Variants in ZNRF3 observed in about 807,000 individuals in gnomAD.
ZNRF3 encodes zinc and ring finger 3, also known as E3 ubiquitin-protein ligase ZNRF3.
Under a neutral mutation model 72.5 loss-of-function variants are expected in ZNRF3, and 23 were observed. The observed-to-expected ratio is 0.32, with a 90% CI of 0.23 to 0.45. ZNRF3 has a LOEUF of 0.45. Ranked by LOEUF, ZNRF3 falls within the 20% of genes least tolerant of loss-of-function variation. ZNRF3 has a pLI of 1.00. For missense variants in ZNRF3, 1,169 were observed against 1,272.1 expected (o/e 0.92, Z 1.23); for synonymous variants, 610 against 545.3 (o/e 1.12, Z -1.65).
At chr22:29,046,933 A>G in intron 6 of ZNRF3, 50 bp downstream of exon 6, 1 of 1,446,380 alleles carries the variant, frequency 6.9e-7, no homozygotes, top group Non-Finnish European at 9.2e-7. Context: ...TAGGCAGGTC[A>G]GCAGAGGTGC....
Position 29,030,662 on chromosome 22 carries a change from G to A in ZNRF3, c.427-11833G>A, listed in dbSNP as rs374266627. ...GCACTTTCCCGGGTCGGAGAAGGCC[G>A]GATGGCAGCCCGCCCCGAAAGTCCC... is the stretch of plus-strand genomic sequence containing the variant. On this transcript the variant is annotated intron_variant, in intron 2 of 8. Transcript: ENST00000544604. The surrounding 1 kb of genome is among the most constrained non-coding windows in gnomAD (Gnocchi z 4.2). Among the ~76,000 whole-genome samples, 8 of 151,838 alleles carry A rather than the reference G, an allele frequency of 5.3e-5. No homozygotes were observed. The highest frequency in any genetic ancestry group is 4.2e-4 in the South Asian group (2 of 4,800).
At chr22:29,019,924 C>T (rs902340169) in intron 2 of ZNRF3, among the ~76,000 whole-genome samples, 18 of 152,054 alleles carry the variant, frequency 1.2e-4, no homozygotes, top group Admixed American at 7.9e-4. Flanking sequence ...AAGTATGCAC[C>T]CCACCCCACC....
At chr22:28,897,327 G>T (rs899835168) in intron 1 of ZNRF3, among the ~76,000 whole-genome samples, 9 of 152,042 alleles carry the variant, frequency 5.9e-5, no homozygotes, top group Non-Finnish European at 8.8e-5. Context: ...TTTTTTAGGG[G>T]GATCGGGGAG....
chr22:28,909,337 G>T (rs1220843196), intron 1 of ZNRF3, among the ~76,000 whole-genome samples: 2 of 152,084 alleles, frequency 1.3e-5, no homozygotes, highest in African/African-American at 4.8e-5. Flanking sequence ...GCAACTTGGG[G>T]CTAACAGCTT....
intron 2 of ZNRF3, among the ~76,000 whole-genome samples, chr22:29,021,957 C>A (rs916979166): frequency 3.4e-4 from 51 of 152,134 alleles, no homozygotes; most frequent in African/African-American, 1.2e-3. Flanking sequence ...ATATGTCACT[C>A]CCCCCACATT....
intron 1 of ZNRF3, among the ~76,000 whole-genome samples, chr22:28,984,735 G>A (rs975253290): frequency 6.6e-6 from 1 of 152,174 alleles, no homozygotes; most frequent in African/African-American, 2.4e-5. Flanking sequence ...CATCCCTCTT[G>A]CTCATCCTTT....
intron 2 of ZNRF3, among the ~76,000 whole-genome samples, chr22:28,999,694 C>T (rs1306624762): frequency 6.6e-6 from 1 of 152,214 alleles, no homozygotes; most frequent in Non-Finnish European, 1.5e-5. Flanking sequence ...GAGTGCGTTG[C>T]AGGTTGCTGG....
In ZNRF3 at chr22:28,931,469, A is replaced by C. The variant is rs998087291; in HGVS notation, c.300+47403A>C. On this transcript the variant is annotated intron_variant, in intron 1 of 8. Transcript: ENST00000544604. Reference sequence around the variant, plus strand: ...GGAGTACTTGTGTAACCTGAAGAAGACTGAAAGTATATAGCAGTTCTCATG... The same window carrying C: ...GGAGTACTTGTGTAACCTGAAGAAGCCTGAAAGTATATAGCAGTTCTCATG... Among the ~76,000 whole-genome samples the C allele has an allele frequency of 2.0e-5, 3 of 152,296 alleles. No individual in the cohort carries two copies. The South Asian group carries it at 6.2e-4, about 32-fold the overall frequency.
At chr22:28,951,991 G>A (rs966809017) in intron 1 of ZNRF3, among the ~76,000 whole-genome samples, 1 of 152,192 alleles carries the variant, frequency 6.6e-6, no homozygotes, top group Non-Finnish European at 1.5e-5. Context: ...CCTCTTCCCC[G>A]TGGAGCAAGG....
chr22:28,943,217 C>G (rs961847023), intron 1 of ZNRF3, among the ~76,000 whole-genome samples: 2 of 152,112 alleles, frequency 1.3e-5, no homozygotes, highest in Admixed American at 6.5e-5. Context: ...GGTCCTCCCC[C>G]AGTGCCTCCC....
chr22:28,900,336 G>A (rs577707056), intron 1 of ZNRF3, among the ~76,000 whole-genome samples: 1 of 152,292 alleles, frequency 6.6e-6, no homozygotes, highest in South Asian at 2.1e-4. Flanking sequence ...CACGAGCTTC[G>A]GCAGACAGAA....
At chr22:28,904,206 C>G (rs981657524) in intron 1 of ZNRF3, among the ~76,000 whole-genome samples, 1 of 152,170 alleles carries the variant, frequency 6.6e-6, no homozygotes, top group East Asian at 1.9e-4. Flanking sequence ...TGGGATTGAT[C>G]AGCTTTGAAG....
chr22:28,896,379 C>T (rs76966305), intron 1 of ZNRF3, among the ~76,000 whole-genome samples: 3 of 151,996 alleles, frequency 2.0e-5, no homozygotes, highest in South Asian at 2.1e-4. Flanking sequence ...GTGATCCGCC[C>T]GCCTCGGCCT....
At chr22:28,983,927 A>G (rs760775041) in intron 1 of ZNRF3, among the ~76,000 whole-genome samples, 11 of 151,876 alleles carry the variant, frequency 7.2e-5, no homozygotes, top group Non-Finnish European at 1.5e-4. Context: ...TTACTTGTGC[A>G]AGAACCTGTT....
intron 2 of ZNRF3, among the ~76,000 whole-genome samples, chr22:29,014,430 C>A (rs2036398766): frequency 6.6e-6 from 1 of 152,118 alleles, no homozygotes; most frequent in Admixed American, 6.5e-5. Flanking sequence ...GTAGGTGAGA[C>A]CCCTGAACCA....
At chr22:29,011,420 G>C (rs750530250) in intron 2 of ZNRF3, among the ~76,000 whole-genome samples, 1 of 152,226 alleles carries the variant, frequency 6.6e-6, no homozygotes, top group Non-Finnish European at 1.5e-5. Context: ...GGGACTGGCG[G>C]CTGGCCGAAC....
rs765872538 is a variant in ZNRF3 at position 29,049,656 on chromosome 22, C to T, written c.1475C>T (p.Pro492Leu). The change falls in exon 8 of 9, where the codon CCC becomes CTC. Residue 492 changes from proline to leucine, a missense_variant. Pro to Leu is a moderately conservative substitution (Grantham distance 98, BLOSUM62 -3). Around this residue, in one of 2 missense-constraint regions of ZNRF3, gnomAD observed 783 missense variants for 731.4 expected, o/e 1.07. Coordinates refer to ENST00000544604, the MANE Select transcript of ZNRF3 (RefSeq NM_001206998.2). This position sits in a 1 kb window ranked among gnomAD's most constrained non-coding sequence, Gnocchi z 5.2. ...QEGQSPPSLA[P>L]RGPARAFPPS... ...GGGCAGTCCCCACCTAGCCTCGCACCCCGGGGCCCGGCCCGTGCCTTTCCT... is the reference window on the plus strand; with the variant it reads ...GGGCAGTCCCCACCTAGCCTCGCACTCCGGGGCCCGGCCCGTGCCTTTCCT... The T allele has an allele frequency of 5.0e-6, 8 of 1,609,468 alleles. No individual in the cohort carries two copies. The highest frequency in any genetic ancestry group is 2.2e-5 in the East Asian group (1 of 44,860).
intron 2 of ZNRF3, among the ~76,000 whole-genome samples, chr22:29,002,569 A>G (rs1205626722): frequency 6.6e-6 from 1 of 152,218 alleles, no homozygotes; most frequent in Non-Finnish European, 1.5e-5. Flanking sequence ...GATCTAAAAA[A>G]TGTTTCCAAA....
intron 1 of ZNRF3, among the ~76,000 whole-genome samples, chr22:28,944,142 A>T (rs1385939960): frequency 2.0e-5 from 3 of 152,150 alleles, no homozygotes; most frequent in Middle Eastern, 3.2e-3. Flanking sequence ...GCTGGTGGGG[A>T]GGGTGGCTTG....
Sources: gnomAD v4.1 joint callset for allele counts (sites outside exome capture counted in the v4.1 genomes callset) on GRCh38, gnomAD v4.1.1 for gene constraint, gnomAD v4.1.1 regional missense constraint, Gnocchi (gnomAD v3.1) non-coding constraint, MANE v1.5 for transcripts, NCBI Gene and HGNC (gene_info 2026-07-23, HGNC 2026-07-21) for gene names.